PCDHA10: variants seen among roughly 807,000 people sequenced by gnomAD.
PCDHA10 encodes the protein protocadherin alpha 10.
PCDHA10 carries 45 observed loss-of-function variants against 61.2 expected under a neutral mutation model. The ratio of observed to expected loss-of-function variants is 0.74; its 90% CI spans 0.58 to 0.94. PCDHA10 has a LOEUF of 0.94. Among genes scored for constraint, PCDHA10 ranks in the 40% least tolerant of loss-of-function variants. PCDHA10 has a pLI of 0.00. For missense variants in PCDHA10, 1,278 were observed against 1,236.2 expected (o/e 1.03, Z -0.51); for synonymous variants, 602 against 548.8 (o/e 1.10, Z -1.35).
chr5:141,002,879 A>G (rs2098100373), intron 3 of PCDHA10, among the ~76,000 whole-genome samples: 1 of 152,228 alleles, frequency 6.6e-6, no homozygotes, highest in Non-Finnish European at 1.5e-5. Flanking sequence ...TCAAGAACAG[A>G]AAGAGAACAA....
intron 3 of PCDHA10, among the ~76,000 whole-genome samples, chr5:140,991,017 C>G (rs1440489095): frequency 6.6e-6 from 1 of 152,178 alleles, no homozygotes; most frequent in Non-Finnish European, 1.5e-5. Context: ...GTGATAAGCA[C>G]TTTACATATG....
At chr5:140,972,660 A>ATTTTTT (rs11350929) in intron 1 of PCDHA10, among the ~76,000 whole-genome samples, 2 of 117,268 alleles carry the variant, frequency 1.7e-5, no homozygotes, top group African/African-American at 3.3e-5. Context: ...AAGAAACCAA[A>ATTTTTT]TTTTTTTTTT....
rs1414020840 is a variant in PCDHA10, at chr5:140,920,855, AAAAC to A, written c.2389-58085_2389-58082del. On this transcript the variant is annotated intron_variant, in intron 1 of 3. Transcript: ENST00000307360. ...AAGACCAAATCTAAAAAAAAAAAAA[AAAAC>A]AAACAAACTGTGGCCCTTAGAACTT... Among the ~76,000 whole-genome samples the A allele has an allele frequency of 3.9e-5, 6 of 152,094 alleles. No homozygotes were observed. The East Asian group carries it at 5.8e-4, about 15-fold the overall frequency.
chr5:140,874,444 T>C (rs2054916108), intron 1 of PCDHA10, among the ~76,000 whole-genome samples: 1 of 152,222 alleles, frequency 6.6e-6, no homozygotes, highest in South Asian at 2.1e-4. Context: ...TCCTAACTAC[T>C]AAATGACCTG....
intron 3 of PCDHA10, among the ~76,000 whole-genome samples, chr5:140,998,104 G>A (rs1554256160): frequency 6.6e-6 from 1 of 152,132 alleles, no homozygotes; most frequent in African/African-American, 2.4e-5. Context: ...GCAAACAGAG[G>A]AGAAAATTTA....
chr5:140,882,072 T>A (rs1340000642), intron 1 of PCDHA10: 5 of 861,462 alleles, frequency 5.8e-6, no homozygotes, highest in Non-Finnish European at 7.0e-6. Flanking sequence ...TTCATGCGCA[T>A]GGTGTCGCTC....
chr5:140,890,259 T>C (rs1303485467), intron 1 of PCDHA10, among the ~76,000 whole-genome samples: 2 of 152,140 alleles, frequency 1.3e-5, no homozygotes, highest in Admixed American at 6.6e-5. Flanking sequence ...CTGCACCTGA[T>C]TGCAAGCAAG....
intron 1 of PCDHA10, among the ~76,000 whole-genome samples, chr5:140,937,106 C>G (rs2091337574): frequency 6.7e-6 from 1 of 149,110 alleles, no homozygotes; most frequent in African/African-American, 2.5e-5. Context: ...GGCGCAGTCT[C>G]GGCTCACTGC....
rs1451679036 is a variant in PCDHA10, at chr5:140,876,215, A to C, written c.2388+17779A>C. On this transcript the variant is annotated intron_variant, in intron 1 of 3. Coordinates refer to ENST00000307360, the MANE Select transcript of PCDHA10 (RefSeq NM_018901.4). ...CCGGCGTTTGATAAGCCCAGCTATA[A>C]AGTAGTGTTGTCTGAAAATGTCCAA... The C allele has an allele frequency of 1.2e-6, 2 of 1,613,890 alleles. No homozygotes were observed. The highest frequency in any genetic ancestry group is 1.7e-6 in the Non-Finnish European group (2 of 1,179,898).
At chr5:140,907,134 C>A (rs1167927748) in intron 1 of PCDHA10, among the ~76,000 whole-genome samples, 1 of 152,112 alleles carries the variant, frequency 6.6e-6, no homozygotes, top group Non-Finnish European at 1.5e-5. Flanking sequence ...CCTGTGAATT[C>A]CGGCTATGGG....
chr5:140,902,734 C>T (rs1345954248), intron 1 of PCDHA10, among the ~76,000 whole-genome samples: 1 of 151,052 alleles, frequency 6.6e-6, no homozygotes, highest in Non-Finnish European at 1.5e-5. Flanking sequence ...CCCTCCAAGT[C>T]CCCCAAATCC....
rs1464705038 is a variant in PCDHA10 at position 140,883,214 on chromosome 5, T to C, written c.2388+24778T>C. 4.3e-6 allele frequency: 7 copies of C among 1,613,892 alleles called. No individual in the cohort carries two copies. The highest frequency in any genetic ancestry group is 5.9e-6 in the Non-Finnish European group (7 of 1,180,024). The stretch of plus-strand genomic sequence containing the variant: ...ACTAGATTTCGAAGAAAAGAAATTA[T>C]ATGAAATATCCGTGGAGGCAGTTGA... On this transcript the variant is annotated intron_variant, in intron 1 of 3. Coordinates refer to ENST00000307360, the MANE Select transcript of PCDHA10 (RefSeq NM_018901.4).
At chr5:140,871,940 T>C (rs1554165964) in intron 1 of PCDHA10, among the ~76,000 whole-genome samples, 1 of 152,226 alleles carries the variant, frequency 6.6e-6, no homozygotes, top group Non-Finnish European at 1.5e-5. Flanking sequence ...TCAACTGGCT[T>C]TGTTTTTCTA....
chr5:140,876,541 C>T, intron 1 of PCDHA10: 1 of 1,614,188 alleles, frequency 6.2e-7, no homozygotes, highest in Non-Finnish European at 8.5e-7. Context: ...TTCACTGTCG[C>T]TCCCTGTGCA....
intron 1 of PCDHA10, chr5:140,871,194 G>C (rs1391937650): frequency 3.1e-6 from 5 of 1,613,574 alleles, no homozygotes; most frequent in African/African-American, 1.3e-5. Flanking sequence ...ATGTCAACGT[G>C]TACCTGATCA....
At chr5:140,948,013 A>G (rs1214834981) in intron 1 of PCDHA10, among the ~76,000 whole-genome samples, 7 of 89,982 alleles carry the variant, frequency 7.8e-5, no homozygotes, top group Admixed American at 5.3e-4. Context: ...TTTAGGAAGT[A>G]CCCTTTCTGG....
rs782527674 is a variant in PCDHA10 at position 140,876,124 on chromosome 5, G to A, written c.2388+17688G>A. 162 of 1,613,780 alleles carry A rather than the reference G, an allele frequency of 1.0e-4. No individual in the cohort carries two copies. The highest frequency in any genetic ancestry group is 1.3e-4 in the Non-Finnish European group (152 of 1,179,892). ...TTTATTGCTGATGGTAATCGATGGC[G>A]GTAAACCAGAACTAACAGGGTCTGT... On this transcript the variant is annotated intron_variant, in intron 1 of 3. Coordinates refer to ENST00000307360, the MANE Select transcript of PCDHA10 (RefSeq NM_018901.4).
At chr5:140,944,378 A>G (rs1204116678) in intron 1 of PCDHA10, among the ~76,000 whole-genome samples, 1 of 151,884 alleles carries the variant, frequency 6.6e-6, no homozygotes, top group Admixed American at 6.6e-5. Flanking sequence ...ATAGAGATGG[A>G]GTCTCACTGT....
intron 1 of PCDHA10, among the ~76,000 whole-genome samples, chr5:140,881,147 A>T (rs982102013): frequency 1.3e-5 from 2 of 152,356 alleles, no homozygotes; most frequent in East Asian, 3.9e-4. Context: ...ATAACAATAG[A>T]TAAAAGTAAG....
Sources: allele counts gnomAD v4.1 joint callset (sites outside exome capture counted in the v4.1 genomes callset), GRCh38; gene constraint gnomAD v4.1.1; transcripts MANE v1.5; gene names NCBI Gene and HGNC (gene_info 2026-07-23, HGNC 2026-07-21).